The following HTR1F variants were observed in gnomAD, a reference collection of about 807,000 sequenced individuals.
The protein encoded by HTR1F is 5-hydroxytryptamine receptor 1F.
A neutral mutation model predicts 24.0 loss-of-function variants in HTR1F; 17 were observed. That is an observed-to-expected ratio of 0.71 (90% confidence interval 0.48 to 1.06). The LOEUF (loss-of-function observed/expected upper bound fraction) is 1.06, where lower values mean the gene tolerates loss of function less well. Ranked by LOEUF, HTR1F falls within the 50% of genes least tolerant of loss-of-function variation. HTR1F has a pLI of 0.00. For synonymous variants in HTR1F, 186 were observed against 156.8 expected, an observed-to-expected ratio of 1.19 and a Z score of -1.39; for missense variants, 391 against 427.8, an observed-to-expected ratio of 0.91 and a Z score of 0.76.
Position 87,910,071 on chromosome 3 carries a change from T to G in HTR1F, c.-42-80637T>G, listed in dbSNP as rs1703745046. 3 of 152,168 alleles carry G rather than the reference T, an allele frequency of 2.0e-5. No individual in the cohort carries two copies. The South Asian group carries it at 6.2e-4, about 32-fold the overall frequency. 9.4% of individuals were successfully genotyped at this position (152,168 alleles called of 1,614,324 possible). On this transcript the variant is annotated intron_variant, in intron 2 of 2. Coordinates refer to ENST00000319595, the MANE Select transcript of HTR1F (RefSeq NM_001322209.2). ...TTTCTATATTAAATATTCTTTTAACTGTTTAAATATCTAATCTTATCCCTT... is the reference window on the plus strand; with the variant it reads ...TTTCTATATTAAATATTCTTTTAACGGTTTAAATATCTAATCTTATCCCTT...
In HTR1F at chr3:87,992,274, A is replaced by G. The variant is rs1194132095; in HGVS notation, c.*424A>G. On this transcript the variant is annotated 3_prime_UTR_variant, in exon 3 of 3. Transcript: ENST00000319595. The stretch of plus-strand genomic sequence containing the variant: ...ATTCTATTATTTTGTATAAGAAAAT[A>G]TAATTCACCACAAAGTACACATTTC... 1.2e-5 allele frequency: 2 copies of G among 167,304 alleles called. No homozygotes were observed. Among genetic ancestry groups the G allele is most frequent in the Non-Finnish European group, 2.9e-5 (2 of 68,306 alleles). The allele number at this position is 167,304 out of a possible 1,614,324, so 10.4% of individuals were successfully genotyped here. A position where few individuals can be genotyped will look rare whatever the true frequency, so the allele number is the denominator to read the frequency against.
chr3:87,991,183 C>T lies in HTR1F; in HGVS notation c.434C>T (p.Thr145Ile), dbSNP rs764576492. ...RTPKHAGIMI[T>I]IVWIISVFIS... is the part of the protein sequence containing the mutation. The stretch of plus-strand genomic sequence containing the variant: ...CCAAAGCATGCTGGCATTATGATTA[C>T]AATAGTTTGGATTATATCTGTTTTT... The change falls in exon 3 of 3, where the codon ACA becomes ATA. Residue 145 changes from threonine to isoleucine, a missense_variant. By Grantham distance (89) the Thr-to-Ile change is moderately conservative. Coordinates refer to ENST00000319595, the MANE Select transcript of HTR1F (RefSeq NM_001322209.2). 1.1e-5 allele frequency: 17 copies of T among 1,613,832 alleles called. No homozygotes were observed. Among genetic ancestry groups the T allele is most frequent in the Non-Finnish European group, 1.4e-5 (17 of 1,179,966 alleles).
At chr3:87,944,070 T>C (rs1319228951) in intron 2 of HTR1F, among the ~76,000 whole-genome samples, 1 of 152,186 alleles carries the variant, frequency 6.6e-6, no homozygotes, top group Admixed American at 6.5e-5. Context: ...ATCAGATTAG[T>C]TATGCTCACC....
intron 2 of HTR1F, among the ~76,000 whole-genome samples, chr3:87,943,023 G>A (rs1704608196): frequency 6.6e-6 from 1 of 152,096 alleles, no homozygotes; most frequent in African/African-American, 2.4e-5. Flanking sequence ...TGTTATAGTG[G>A]ACATCATTGA....
intron 2 of HTR1F, among the ~76,000 whole-genome samples, chr3:87,959,767 GT>G (rs5850818): frequency 0.36 from 50,175 of 140,558 alleles, 8,980 homozygotes; most frequent in African/African-American, 0.52. Context: ...ACCACCATGG[GT>G]TTTTTTTTTT....
intron 1 of HTR1F, among the ~76,000 whole-genome samples, chr3:87,802,220 TCTCC>T (rs369710362): frequency 0.18 from 9,543 of 52,936 alleles, 1,388 homozygotes; most frequent in East Asian, 0.32. Flanking sequence ...TCCCTCCCTC[TCTCC>T]CTCCCTCCCT....
chr3:87,873,689 G>A (rs538627108), intron 2 of HTR1F, among the ~76,000 whole-genome samples: 1 of 152,124 alleles, frequency 6.6e-6, no homozygotes, highest in Non-Finnish European at 1.5e-5. Context: ...CCAAATACTA[G>A]CAAACTGAAT....
intron 2 of HTR1F, among the ~76,000 whole-genome samples, chr3:87,869,898 A>G (rs1705517839): frequency 6.6e-6 from 1 of 152,142 alleles, no homozygotes. Context: ...TAAATTAACC[A>G]TCATAGTTGC....
At chr3:87,902,004 A>G (rs1250562982) in intron 2 of HTR1F, among the ~76,000 whole-genome samples, 1 of 152,142 alleles carries the variant, frequency 6.6e-6, no homozygotes, top group Non-Finnish European at 1.5e-5. Context: ...ATTAATTTTT[A>G]TAAACCATAG....
chr3:87,990,686 T>A, intron 2 of HTR1F, 22 bp from the exon 3 acceptor site: 1 of 1,296,158 alleles, frequency 7.7e-7, no homozygotes, highest in Non-Finnish European at 1.1e-6. Flanking sequence ...TCTGAACTGT[T>A]TTTTCTCTTC....
chr3:87,986,802 C>T (rs1379846700), intron 2 of HTR1F, among the ~76,000 whole-genome samples: 2 of 152,098 alleles, frequency 1.3e-5, no homozygotes, highest in African/African-American at 4.8e-5. Context: ...ATTCCCATAA[C>T]ACTAAATAAA....
At chr3:87,899,750 A>C (rs1706281337) in intron 2 of HTR1F, among the ~76,000 whole-genome samples, 1 of 152,046 alleles carries the variant, frequency 6.6e-6, no homozygotes, top group Non-Finnish European at 1.5e-5. Flanking sequence ...CTGTAATCCC[A>C]GCTACTCGGG....
intron 2 of HTR1F, among the ~76,000 whole-genome samples, chr3:87,946,233 G>A (rs1200806139): frequency 3.3e-5 from 5 of 152,184 alleles, no homozygotes; most frequent in African/African-American, 9.6e-5. Flanking sequence ...GGCGGTATGC[G>A]ACGGCGGCAA....
chr3:87,927,116 G>A (rs771677846), intron 2 of HTR1F, among the ~76,000 whole-genome samples: 25 of 152,062 alleles, frequency 1.6e-4, no homozygotes, highest in Non-Finnish European at 3.4e-4. Flanking sequence ...CAGAGATTCC[G>A]ACCTGTCAAA....
At chr3:87,806,694 G>T (rs1047895694) in intron 1 of HTR1F, among the ~76,000 whole-genome samples, 5 of 151,852 alleles carry the variant, frequency 3.3e-5, no homozygotes, top group African/African-American at 9.7e-5. Flanking sequence ...CTATGCTTTT[G>T]AAGACTCAGC....
intron 2 of HTR1F, among the ~76,000 whole-genome samples, chr3:87,829,804 T>G (rs1349304829): frequency 2.0e-5 from 3 of 152,238 alleles, no homozygotes; most frequent in African/African-American, 7.2e-5. Flanking sequence ...AATTTATTCT[T>G]GTAATTTACC....
At chr3:87,876,288 A>C (rs942660128) in intron 2 of HTR1F, among the ~76,000 whole-genome samples, 11 of 152,318 alleles carry the variant, frequency 7.2e-5, no homozygotes, top group African/African-American at 2.6e-4. Flanking sequence ...CAGGATCTTG[A>C]AGAGCTGTTC....
At chr3:87,978,441 T>C (rs1268396595) in intron 2 of HTR1F, among the ~76,000 whole-genome samples, 1 of 152,168 alleles carries the variant, frequency 6.6e-6, no homozygotes. Flanking sequence ...GGCTGCTTTA[T>C]TGAGCAACAG....
intron 2 of HTR1F, among the ~76,000 whole-genome samples, chr3:87,874,616 A>AT (rs954867735): frequency 3.4e-5 from 5 of 147,354 alleles, no homozygotes; most frequent in African/African-American, 5.2e-5. Context: ...ATCTCAAAGC[A>AT]TTTTTCTGCA....
Sources: allele counts gnomAD v4.1 joint callset (sites outside exome capture counted in the v4.1 genomes callset), GRCh38; gene constraint gnomAD v4.1.1; transcripts MANE v1.5; gene names NCBI Gene and HGNC (gene_info 2026-07-23, HGNC 2026-07-21).